Variants in ABCG8 observed in about 807,000 individuals in gnomAD.
ABCG8 encodes the protein ATP-binding cassette sub-family G member 8.
Under a neutral mutation model 71.3 loss-of-function variants are expected in ABCG8, and 81 were observed. The ratio of observed to expected loss-of-function variants is 1.14; its 90% CI spans 0.95 to 1.37. ABCG8 has a LOEUF of 1.37. ABCG8 is among the 40% of genes most tolerant of loss of function. The pLI is 0.00. For missense variants in ABCG8, 1,119 were observed against 866.2 expected (o/e 1.29, Z -3.66); for synonymous variants, 451 against 354.7 (o/e 1.27, Z -3.05).
At chr2:43,874,134 A>C in intron 9 of ABCG8, 148 bp downstream of exon 9, 1 of 950,550 alleles carries the variant, frequency 1.1e-6, no homozygotes, top group Non-Finnish European at 1.6e-6. Context: ...TAATATTAGC[A>C]TACAAATGAA....
chr2:43,875,230 C>G lies in ABCG8; in HGVS notation c.1573C>G (p.Leu525Val). Residue 525 changes from leucine to valine, a missense_variant, in exon 11 of 13, where the codon CTC (leucine) becomes GTC (valine). By Grantham distance (32) the Leu-to-Val change is conservative (BLOSUM62 1). Coordinates refer to ENST00000272286, the MANE Select transcript of ABCG8 (RefSeq NM_022437.3). ...TYWLANLRPG[L>V]QPFLLHFLLV... ...CTGGCTGGCCAACCTGAGGCCAGGC[C>G]TCCAGCCCTTCCTGCTGCACTTCCT... 13 of 1,614,232 alleles carry G rather than the reference C, an allele frequency of 8.1e-6. No individual in the cohort carries two copies. The highest frequency in any genetic ancestry group is 1.1e-5 in the Non-Finnish European group (13 of 1,180,048).
At chr2:43,856,098 C>A (rs568578874) in intron 6 of ABCG8, among the ~76,000 whole-genome samples, 1 of 152,140 alleles carries the variant, frequency 6.6e-6, no homozygotes, top group East Asian at 1.9e-4. Flanking sequence ...TTCTAACTAT[C>A]TGTATAGAAT....
intron 3 of ABCG8, among the ~76,000 whole-genome samples, chr2:43,850,635 T>A (rs1002791375): frequency 2.6e-5 from 4 of 152,088 alleles, no homozygotes; most frequent in East Asian, 1.9e-4. Flanking sequence ...AATCCTTTTT[T>A]AAAAAAGAGT....
intron 1 of ABCG8, among the ~76,000 whole-genome samples, chr2:43,842,654 A>G (rs924188007): frequency 1.3e-5 from 2 of 152,040 alleles, no homozygotes; most frequent in African/African-American, 4.8e-5. Context: ...TCTCATGTAC[A>G]CACCACCAAT....
rs542793268 is a variant in ABCG8 at position 43,849,583 on chromosome 2, TCTCCCCAGATGCCA to T, written c.323-1999_323-1986del. 3.2e-4 allele frequency among the ~76,000 whole-genome samples: 48 copies of T among 151,866 alleles called. 3 individuals are homozygous for T. The South Asian group carries it at 0.01, about 32-fold the overall frequency. On this transcript the variant is annotated intron_variant, in intron 3 of 12. Coordinates refer to ENST00000272286, the MANE Select transcript of ABCG8 (RefSeq NM_022437.3). ...CACAGAGCCAAACCATATCAGAGAG[TCTCCCCAGATGCCA>T]CAGGCATCCTCCATTGGAAGGCTCC...
intron 11 of ABCG8, among the ~76,000 whole-genome samples, chr2:43,877,243 G>C (rs915573065): frequency 1.3e-5 from 2 of 149,260 alleles, no homozygotes; most frequent in Non-Finnish European, 3.0e-5. Context: ...TATGGGGGAG[G>C]CCGTGTCAAT....
rs9282574 is a variant in ABCG8 at position 43,852,420 on chromosome 2, G to T, written c.628G>T (p.Val210Leu). The change falls in exon 5 of 13, where the codon GTG becomes TTG. Residue 210 changes from valine to leucine, a missense_variant. Transcript: ENST00000272286. ...CADTRVGNMY[V>L]RGLSGGERRR... ...TGACACCCGCGTGGGCAACATGTAC[G>T]TGCGGGGGTTGTCGGGGGGTGAGCG... 10 of 1,612,582 alleles carry T rather than the reference G, an allele frequency of 6.2e-6. No individual in the cohort carries two copies. Among genetic ancestry groups the T allele is most frequent in the Non-Finnish European group, 6.8e-6 (8 of 1,180,020 alleles).
intron 3 of ABCG8, among the ~76,000 whole-genome samples, chr2:43,849,465 A>G (rs970501624): frequency 3.9e-5 from 6 of 152,198 alleles, no homozygotes; most frequent in Admixed American, 3.3e-4. Flanking sequence ...AGAACAGCAT[A>G]GAGGAAATCT....
chr2:43,845,139 G>A (rs1041442002), intron 2 of ABCG8, among the ~76,000 whole-genome samples: 3 of 146,962 alleles, frequency 2.0e-5, no homozygotes, highest in African/African-American at 5.0e-5. Context: ...TTTGTAAAAT[G>A]TACTATCCCT....
chr2:43,842,415 C>T (rs77624036), intron 1 of ABCG8, among the ~76,000 whole-genome samples: 3 of 152,182 alleles, frequency 2.0e-5, no homozygotes, highest in Non-Finnish European at 2.9e-5. Flanking sequence ...GGGGCAAGGC[C>T]GAAGGGCTGA....
intron 6 of ABCG8, among the ~76,000 whole-genome samples, chr2:43,865,294 T>A (rs1424193892): frequency 6.8e-6 from 1 of 146,446 alleles, no homozygotes; most frequent in Admixed American, 6.8e-5. Context: ...CTGGATAGAA[T>A]TCTCAGTCTC....
chr2:43,875,469 G>A, intron 11 of ABCG8, 56 bp downstream of exon 11: 1 of 1,583,208 alleles, frequency 6.3e-7, no homozygotes, highest in Non-Finnish European at 8.6e-7. Flanking sequence ...GTGACTGGAT[G>A]AAGCCTGCTT....
chr2:43,865,533 A>C (rs1469293881), intron 6 of ABCG8, among the ~76,000 whole-genome samples: 1 of 151,684 alleles, frequency 6.6e-6, no homozygotes, highest in Non-Finnish European at 1.5e-5. Context: ...AACTCTGACT[A>C]TCTATCTGGA....
At chr2:43,864,067 T>C (rs1457804425) in intron 6 of ABCG8, among the ~76,000 whole-genome samples, 1 of 151,676 alleles carries the variant, frequency 6.6e-6, no homozygotes, top group Non-Finnish European at 1.5e-5. Flanking sequence ...ACTATCTGTC[T>C]GGATAGAATT....
Position 43,844,587 on chromosome 2 carries a change from G to A in ABCG8, c.144G>A (p.Glu48=), listed in dbSNP as rs1668682396. The change falls in exon 2 of 13, where the codon GAG becomes GAA. Residue 48 remains glutamate (E), a synonymous_variant. Coordinates refer to ENST00000272286, the MANE Select transcript of ABCG8 (RefSeq NM_022437.3). ...FTYSGQPNTL[E]VRDLNYQVDL... ...ACAGTGGCCAGCCCAACACCCTGGA[G>A]GTCAGAGACCTCAACTACCAGGTAG... 6.2e-7 allele frequency: 1 copy of A among 1,614,064 alleles called. No homozygotes were observed. Among genetic ancestry groups the A allele is most frequent in the Middle Eastern group, 1.6e-4 (1 of 6,062 alleles).
Position 43,874,500 on chromosome 2 carries a change from G to A in ABCG8, c.1488+17G>A. 1.3e-6 allele frequency: 2 copies of A among 1,548,774 alleles called. No homozygotes were observed. Among genetic ancestry groups the A allele is most frequent in the South Asian group, 1.1e-5 (1 of 88,048 alleles). On this transcript the variant is annotated intron_variant, in intron 10 of 12. Transcript: ENST00000272286. ...TTTGCCAAGGTGACTGGGCAGGGTT[G>A]AGAGCAAGTGCCCCCCACCCACCAG... is the stretch of plus-strand genomic sequence containing the variant.
Position 43,881,838 on chromosome 2 carries a change from T to A in ABCG8, c.*3925T>A, listed in dbSNP as rs1237511748. 6.6e-6 allele frequency: 1 copy of A among 152,254 alleles called. No individual in the cohort carries two copies. Among genetic ancestry groups the A allele is most frequent in the Non-Finnish European group, 1.5e-5 (1 of 68,056 alleles). The allele number at this position is 152,254 out of a possible 1,614,324, so 9.4% of individuals were successfully genotyped here. A position where few individuals can be genotyped will look rare whatever the true frequency, so the allele number is the denominator to read the frequency against. On this transcript the variant is annotated 3_prime_UTR_variant, in exon 13 of 13. Transcript: ENST00000272286. The stretch of plus-strand genomic sequence containing the variant: ...AAGCATGGCTTGCAAAGTTTTCCTG[T>A]TAAGAGTCAGATAGTAAATATTTGG...
chr2:43,845,121 A>AAT (rs1553376736), intron 2 of ABCG8, among the ~76,000 whole-genome samples: 3,742 of 132,654 alleles, frequency 0.028, 44 homozygotes, highest in African/African-American at 0.041. Context: ...TATATATATA[A>AAT]TTTTTTTTTT....
intron 6 of ABCG8, among the ~76,000 whole-genome samples, chr2:43,870,640 G>T (rs116727528): frequency 0.011 from 1,668 of 151,908 alleles, 40 homozygotes; most frequent in African/African-American, 0.038. Context: ...TATCTGTGTG[G>T]ATAGAATTCT....
Sources: gnomAD v4.1 joint callset for allele counts (sites outside exome capture counted in the v4.1 genomes callset) on GRCh38, gnomAD v4.1.1 for gene constraint, MANE v1.5 for transcripts, NCBI Gene and HGNC (gene_info 2026-07-23, HGNC 2026-07-21) for gene names.